NOL10: variants seen among roughly 807,000 people sequenced by gnomAD.
The protein encoded by NOL10 is nucleolar protein 10.
A neutral mutation model predicts 103.5 loss-of-function variants in NOL10; 58 were observed. The ratio of observed to expected loss-of-function variants is 0.56; its 90% CI spans 0.45 to 0.70. The LOEUF (loss-of-function observed/expected upper bound fraction) is 0.70, where lower values mean the gene tolerates loss of function less well. Ranked by LOEUF, NOL10 falls within the 30% of genes least tolerant of loss-of-function variation. The pLI is 0.00. For missense variants in NOL10, 763 were observed against 807.3 expected, an observed-to-expected ratio of 0.95 and a Z score of 0.67; for synonymous variants, 287 against 282.5, an observed-to-expected ratio of 1.02 and a Z score of -0.16.
intron 6 of NOL10, 103 bp from the exon 7 acceptor site, chr2:10,668,826 C>A: frequency 2.5e-6 from 1 of 403,234 alleles, no homozygotes; most frequent in Admixed American, 4.1e-5. Flanking sequence ...CCACCACTTC[C>A]TTTTGTAACA....
intron 3 of NOL10, among the ~76,000 whole-genome samples, chr2:10,677,732 C>T (rs1257314189): frequency 6.6e-6 from 1 of 152,092 alleles, no homozygotes; most frequent in East Asian, 1.9e-4. Flanking sequence ...CTCAGCCTCC[C>T]AAAGTGCTGG....
chr2:10,572,530 A>T (rs1674234344), intron 20 of NOL10, among the ~76,000 whole-genome samples: 1 of 152,208 alleles, frequency 6.6e-6, no homozygotes, highest in African/African-American at 2.4e-5. Context: ...GGATGTTTTA[A>T]AAGAGCCTAC....
Position 10,607,845 on chromosome 2 carries a change from G to C in NOL10, c.1027-534C>G, listed in dbSNP as rs1282561033. Among the ~76,000 whole-genome samples the C allele has an allele frequency of 2.6e-5, 4 of 151,180 alleles. 1 individual carries two copies. Among genetic ancestry groups the C allele is most frequent in the African/African-American group, 9.7e-5 (4 of 41,138 alleles). The stretch of plus-strand genomic sequence containing the variant: ...ACTCCTGAGTTCAAGCAATCTGCCA[G>C]GCTCAGCCACCACACTCGGCCCAAA... On this transcript the variant is annotated intron_variant, in intron 13 of 20. Transcript: ENST00000381685.
At chr2:10,684,724 T>C in intron 1 of NOL10, 112 bp from the exon 2 acceptor site, 2 of 735,334 alleles carry the variant, frequency 2.7e-6, no homozygotes, top group Non-Finnish European at 2.2e-6. Flanking sequence ...TAGGAATATA[T>C]AACATAGGAA....
At chr2:10,586,646 G>A (rs10208036) in intron 19 of NOL10, among the ~76,000 whole-genome samples, 1,681 of 152,054 alleles carry the variant, frequency 0.011, 25 homozygotes, top group African/African-American at 0.039. Context: ...TCTGCCTTCC[G>A]AGACAGGAAG....
intron 13 of NOL10, among the ~76,000 whole-genome samples, chr2:10,632,428 T>G (rs990920116): frequency 6.6e-6 from 1 of 152,240 alleles, no homozygotes; most frequent in African/African-American, 2.4e-5. Flanking sequence ...AATAAAACTT[T>G]ATTTACAAAA....
chr2:10,589,889 T>C, intron 17 of NOL10, 138 bp from the exon 18 acceptor site: 1 of 508,676 alleles, frequency 2.0e-6, no homozygotes, highest in Non-Finnish European at 3.2e-6. Flanking sequence ...ATTATGAAAT[T>C]TCTTCCAGGA....
Position 10,666,653 on chromosome 2 carries a change from C to T in NOL10, c.591+565G>A, listed in dbSNP as rs114171566. Among the ~76,000 whole-genome samples the T allele has an allele frequency of 6.4e-3, 967 of 151,088 alleles. 16 individuals carry two copies. Among genetic ancestry groups the T allele is most frequent in the African/African-American group, 0.022 (904 of 41,106 alleles). On this transcript the variant is annotated intron_variant, in intron 8 of 20. Coordinates refer to ENST00000381685, the MANE Select transcript of NOL10 (RefSeq NM_024894.4). Reference sequence around the variant, plus strand: ...AATTTTTTTAAAATTAGTTTAGCATCGTAAGTAATTATAAGTACCAATAAG... The same window carrying T: ...AATTTTTTTAAAATTAGTTTAGCATTGTAAGTAATTATAAGTACCAATAAG...
At chr2:10,637,744 CAG>C (rs1257749414) in intron 13 of NOL10, among the ~76,000 whole-genome samples, 1 of 152,132 alleles carries the variant, frequency 6.6e-6, no homozygotes, top group East Asian at 1.9e-4. Flanking sequence ...TTTGCGAAGA[CAG>C]AGTTTTGTGG....
chr2:10,602,373 G>A (rs1676022995), intron 16 of NOL10, among the ~76,000 whole-genome samples: 2 of 152,212 alleles, frequency 1.3e-5, no homozygotes, highest in Admixed American at 6.5e-5. Flanking sequence ...AGAGAGTGCA[G>A]TTTACGACTG....
intron 13 of NOL10, among the ~76,000 whole-genome samples, chr2:10,612,859 T>A (rs1169764531): frequency 6.6e-6 from 1 of 152,036 alleles, no homozygotes; most frequent in African/African-American, 2.4e-5. Context: ...TTTTTATATA[T>A]TTTTTAAAAA....
chr2:10,654,683 A>G, intron 11 of NOL10, 136 bp from the exon 12 acceptor site: 1 of 505,000 alleles, frequency 2.0e-6, no homozygotes, highest in Non-Finnish European at 3.5e-6. Flanking sequence ...CAAAATTTAA[A>G]TTCTTAAAAA....
At chr2:10,633,202 T>C (rs1053697645) in intron 13 of NOL10, among the ~76,000 whole-genome samples, 2 of 152,072 alleles carry the variant, frequency 1.3e-5, no homozygotes, top group African/African-American at 4.8e-5. Context: ...AGAACTTGGC[T>C]GTGTCTGTCT....
chr2:10,571,865 C>T lies in NOL10; in HGVS notation c.*206G>A. 1.8e-6 allele frequency: 1 copy of T among 553,268 alleles called. No homozygotes were observed. The allele number at this position is 553,268 out of a possible 1,614,324, so 34.3% of individuals were successfully genotyped here. On this transcript the variant is annotated 3_prime_UTR_variant, in exon 21 of 21. Coordinates refer to ENST00000381685, the MANE Select transcript of NOL10 (RefSeq NM_024894.4). Reference sequence around the variant, plus strand: ...CAGGGAGCAACGACTCGCAAGCACACCCCTGGGGCTGTGCGGTGGCCGTCG... The same window carrying T: ...CAGGGAGCAACGACTCGCAAGCACATCCCTGGGGCTGTGCGGTGGCCGTCG...
Position 10,602,865 on chromosome 2 carries a change from T to A in NOL10, c.1243A>T (p.Met415Leu). Residue 415 changes from methionine (M) to leucine (L), a missense_variant, in exon 16 of 21, where the codon ATG becomes TTG. Physicochemically the swap from Met to Leu is conservative, Grantham distance 15 (BLOSUM62 2). Transcript: ENST00000381685. Reference protein sequence around the residue: ...DIRLYHKVKLMVNPFAYEEYR... With the variant: ...DIRLYHKVKLLVNPFAYEEYR... ...TCTTCATAAGCAAATGGATTTACCA[T>A]CAGTTTCACCTTTTCAAAATGAAAA... 4 of 1,598,762 alleles carry A rather than the reference T, an allele frequency of 2.5e-6. No individual in the cohort carries two copies. Among genetic ancestry groups the A allele is most frequent in the Non-Finnish European group, 3.4e-6 (4 of 1,172,178 alleles).
intron 13 of NOL10, among the ~76,000 whole-genome samples, chr2:10,630,728 CA>C (rs988221600): frequency 2.0e-5 from 3 of 150,826 alleles, no homozygotes; most frequent in Admixed American, 6.6e-5. Flanking sequence ...AAAAACAAAA[CA>C]AAAAAAAACC....
intron 13 of NOL10, among the ~76,000 whole-genome samples, chr2:10,612,837 G>T (rs1458555961): frequency 1.3e-5 from 2 of 151,962 alleles, no homozygotes; most frequent in Non-Finnish European, 2.9e-5. Context: ...GTGAGGCCTT[G>T]TCTCTACACA....
In NOL10 at chr2:10,689,748, G is replaced by C. The variant is rs760639501; in HGVS notation, c.66+48C>G. On this transcript the variant is annotated intron_variant, in intron 1 of 20. Transcript: ENST00000381685. Reference sequence around the variant, plus strand: ...GAGAGGGGCGGCTGCCCCACGAGGAGGACGACCCCCAAGAGCTCGAGAGTG... The same window carrying C: ...GAGAGGGGCGGCTGCCCCACGAGGACGACGACCCCCAAGAGCTCGAGAGTG... 115 of 1,546,306 alleles carry C rather than the reference G, an allele frequency of 7.4e-5. 1 individual carries two copies. Among genetic ancestry groups the C allele is most frequent in the Non-Finnish European group, 9.8e-5 (112 of 1,137,104 alleles).
chr2:10,577,844 T>C (rs1011231871), intron 19 of NOL10, 106 bp from the exon 20 acceptor site: 13 of 699,746 alleles, frequency 1.9e-5, no homozygotes, highest in African/African-American at 3.6e-5. Context: ...TGTTTACACA[T>C]GTAAACAGAA....
Sources: allele counts gnomAD v4.1 joint callset (sites outside exome capture counted in the v4.1 genomes callset), GRCh38; gene constraint gnomAD v4.1.1; transcripts MANE v1.5; gene names NCBI Gene and HGNC (gene_info 2026-07-23, HGNC 2026-07-21).